BIVM: variants seen among roughly 807,000 people sequenced by gnomAD.
BIVM encodes basic, immunoglobulin-like variable motif containing.
In BIVM, 31 loss-of-function variants were observed where a neutral mutation model predicts 61.4. The observed-to-expected ratio is 0.51, with a 90% CI of 0.38 to 0.68. The LOEUF (loss-of-function observed/expected upper bound fraction) is 0.68. Ranked by LOEUF, BIVM falls within the 30% of genes least tolerant of loss-of-function variation. The probability of loss-of-function intolerance (pLI) is 0.00; values close to 1 mark genes in which losing one functional copy is unlikely to be tolerated. For missense variants in BIVM, 526 were observed against 596.0 expected (o/e 0.88, Z 1.22); for synonymous variants, 189 against 210.7 (o/e 0.90, Z 0.89).
Position 102,826,523 on chromosome 13 carries a change from T to C in BIVM, c.901+4364T>C, listed in dbSNP as rs150234933. Among the ~76,000 whole-genome samples, 4 of 152,304 alleles carry C rather than the reference T, an allele frequency of 2.6e-5. No homozygotes were observed. The South Asian group carries it at 6.2e-4, about 24-fold the overall frequency. On this transcript the variant is annotated intron_variant, in intron 7 of 10. Transcript: ENST00000257336. ...AACTGATTCATAGGGTGGCTTTATA[T>C]CTCTTTTAATGGGGTGTGGACCAAA...
intron 8 of BIVM, among the ~76,000 whole-genome samples, chr13:102,833,953 AAG>A (rs887291223): frequency 6.6e-6 from 1 of 152,294 alleles, no homozygotes; most frequent in African/African-American, 2.4e-5. Flanking sequence ...TACCCTTTAA[AAG>A]AGAGTCCCTC....
chr13:102,833,929 T>G (rs1881289561), intron 8 of BIVM, among the ~76,000 whole-genome samples: 1 of 152,236 alleles, frequency 6.6e-6, no homozygotes, highest in Non-Finnish European at 1.5e-5. Context: ...AATCATGGTT[T>G]TAAACCAACT....
intron 1 of BIVM, among the ~76,000 whole-genome samples, chr13:102,802,860 C>T (rs1323657782): frequency 3.3e-5 from 5 of 151,432 alleles, no homozygotes; most frequent in Non-Finnish European, 5.9e-5. Flanking sequence ...ATTCTTTTGC[C>T]TCAGCCTCCC....
intron 3 of BIVM, among the ~76,000 whole-genome samples, chr13:102,810,053 G>C (rs913982736): frequency 6.6e-6 from 1 of 151,594 alleles, no homozygotes; most frequent in Non-Finnish European, 1.5e-5. Context: ...GATTACAGGC[G>C]TGAGCCACCC....
chr13:102,833,734 C>T lies in BIVM; in HGVS notation c.1035-732C>T, dbSNP rs969998777. On this transcript the variant is annotated intron_variant, in intron 8 of 10. Transcript: ENST00000257336. ...GACAGGTTGGAATGACCTGGGAGAA[C>T]CAGGAAGCTGGAAGTTGTGTTTTGT... is the stretch of plus-strand genomic sequence containing the variant. Among the ~76,000 whole-genome samples, 7 of 152,158 alleles carry T rather than the reference C, an allele frequency of 4.6e-5. No homozygotes were observed. In the South Asian group the frequency reaches 1.4e-3, roughly 32 times the overall value.
chr13:102,816,075 C>T (rs1050690488), intron 3 of BIVM, among the ~76,000 whole-genome samples: 11 of 152,000 alleles, frequency 7.2e-5, no homozygotes, highest in East Asian at 5.8e-4. Context: ...TTTGATTTTC[C>T]GGATGTGGCT....
chr13:102,833,418 C>T (rs924497244), intron 8 of BIVM, among the ~76,000 whole-genome samples: 7 of 146,970 alleles, frequency 4.8e-5, no homozygotes, highest in African/African-American at 7.5e-5. Context: ...GCCTCGACCT[C>T]CTGGGCTTAA....
intron 3 of BIVM, among the ~76,000 whole-genome samples, chr13:102,810,264 C>G (rs1433923716): frequency 2.0e-5 from 3 of 152,176 alleles, no homozygotes; most frequent in East Asian, 3.8e-4. Context: ...CACCCCTGCT[C>G]TCTTCTGGGT....
At chr13:102,837,470 T>C (rs554460405) in intron 9 of BIVM, among the ~76,000 whole-genome samples, 1 of 152,348 alleles carries the variant, frequency 6.6e-6, no homozygotes, top group East Asian at 1.9e-4. Flanking sequence ...TGTAAATTAG[T>C]ACAATCACTA....
intron 1 of BIVM, chr13:102,801,371 G>T (rs1878748196): frequency 6.6e-6 from 1 of 151,872 alleles, no homozygotes; most frequent in Non-Finnish European, 1.5e-5. Context: ...GAGTAGCTGG[G>T]CCTACACGCA....
intron 6 of BIVM, 83 bp downstream of exon 6, chr13:102,821,930 A>G (rs988512332): frequency 1.1e-5 from 17 of 1,544,352 alleles, no homozygotes; most frequent in Non-Finnish European, 1.5e-5. Flanking sequence ...ATAGTAAACC[A>G]TGTATCCAGC....
chr13:102,807,338 C>T lies in BIVM; in HGVS notation c.71C>T (p.Ser24Leu). 1 of 1,614,120 alleles carries T rather than the reference C, an allele frequency of 6.2e-7. No homozygotes were observed. Among genetic ancestry groups the T allele is most frequent in the Non-Finnish European group, 8.5e-7 (1 of 1,179,984 alleles). Reference protein sequence around the residue: ...GNGEHKSERKSPEENLQGAVK... With the variant: ...GNGEHKSERKLPEENLQGAVK... ...GGTGAGCACAAATCTGAGAGAAAGT[C>T]ACCTGAAGAGAATCTACAAGGTGCT... Residue 24 changes from serine (S) to leucine (L), a missense_variant, in exon 3 of 11, where the codon TCA (serine) becomes TTA (leucine). Around this residue, in one of 3 missense-constraint regions of BIVM, gnomAD observed 312 missense variants for 343.8 expected, o/e 0.91. Transcript: ENST00000257336. The surrounding 1 kb of genome is among the most constrained non-coding windows in gnomAD (Gnocchi z 4.0).
At chr13:102,825,770 G>A (rs1210086580) in intron 7 of BIVM, among the ~76,000 whole-genome samples, 3 of 152,178 alleles carry the variant, frequency 2.0e-5, no homozygotes, top group Non-Finnish European at 4.4e-5. Flanking sequence ...GGACTTCAGC[G>A]TAACAAATGG....
At chr13:102,829,311 C>T (rs1282037061) in intron 7 of BIVM, among the ~76,000 whole-genome samples, 2 of 152,274 alleles carry the variant, frequency 1.3e-5, no homozygotes, top group South Asian at 2.1e-4. Flanking sequence ...AATACCTGCT[C>T]TTCTCCATGC....
intron 1 of BIVM, among the ~76,000 whole-genome samples, chr13:102,803,224 C>T (rs1878857974): frequency 6.6e-6 from 1 of 151,880 alleles, no homozygotes. Flanking sequence ...CAATCCCTGC[C>T]AGGTGCAGTG....
chr13:102,810,429 T>A (rs1032926613), intron 3 of BIVM, among the ~76,000 whole-genome samples: 5 of 152,198 alleles, frequency 3.3e-5, no homozygotes, highest in Admixed American at 6.5e-5. Context: ...AACATATTTT[T>A]AAAAAAATGC....
chr13:102,799,966 C>A (rs2139119212), intron 1 of BIVM, among the ~76,000 whole-genome samples: 1 of 152,162 alleles, frequency 6.6e-6, no homozygotes, highest in South Asian at 2.1e-4. Context: ...CGCCAGCACC[C>A]GGGTCTGGGC....
chr13:102,804,563 G>A (rs1357833563), intron 1 of BIVM, among the ~76,000 whole-genome samples: 3 of 151,678 alleles, frequency 2.0e-5, no homozygotes, highest in Non-Finnish European at 2.9e-5. Flanking sequence ...CACCCGCCTC[G>A]GCCTCCTACA....
intron 5 of BIVM, 126 bp downstream of exon 5, chr13:102,821,258 T>C: frequency 1.2e-6 from 1 of 808,020 alleles, no homozygotes; most frequent in Non-Finnish European, 1.9e-6. Context: ...TATTTTAGTG[T>C]AAGTCTTTTA....
Sources: allele counts gnomAD v4.1 joint callset (sites outside exome capture counted in the v4.1 genomes callset), GRCh38; gene constraint gnomAD v4.1.1; regional missense constraint gnomAD v4.1.1; non-coding constraint Gnocchi (gnomAD v3.1); transcripts MANE v1.5; gene names NCBI Gene and HGNC (gene_info 2026-07-23, HGNC 2026-07-21).